Variants in MICAL3 observed in about 807,000 individuals in gnomAD.
MICAL3 encodes microtubule associated monooxygenase, calponin and LIM domain containing 3, also known as [F-actin]-monooxygenase MICAL3.
MICAL3 carries 62 observed loss-of-function variants against 207.4 expected under a neutral mutation model. The ratio of observed to expected loss-of-function variants is 0.30; its 90% CI spans 0.24 to 0.37. The LOEUF is 0.37. Among genes scored for constraint, MICAL3 ranks in the 10% least tolerant of loss-of-function variants. The pLI is 1.00. For synonymous variants in MICAL3, 1,077 were observed against 1,069.3 expected (o/e 1.01, Z -0.14); for missense variants, 2,368 against 2,635.6 (o/e 0.90, Z 2.22).
At chr22:17,878,866 C>A (rs1437657905) in intron 16 of MICAL3, among the ~76,000 whole-genome samples, 1 of 152,162 alleles carries the variant, frequency 6.6e-6, no homozygotes, top group Non-Finnish European at 1.5e-5. Context: ...TCATTCTCAT[C>A]CCACTGGAAA....
At chr22:17,861,717 T>C (rs999723979) in intron 19 of MICAL3, 60 of 985,388 alleles carry the variant, frequency 6.1e-5, no homozygotes, top group Middle Eastern at 1.0e-3. Flanking sequence ...CAGTAGTAAG[T>C]ATAAGCTTGG....
chr22:17,889,259 A>C, intron 12 of MICAL3, 29 bp from the exon 13 acceptor site: 26 of 1,538,230 alleles, frequency 1.7e-5, no homozygotes, highest in Non-Finnish European at 2.2e-5. Context: ...AAAACATATC[A>C]AGATAGGTTG....
chr22:17,807,942 G>A (rs1431883627), intron 29 of MICAL3, among the ~76,000 whole-genome samples: 1 of 152,274 alleles, frequency 6.6e-6, no homozygotes, highest in African/African-American at 2.4e-5. Context: ...TGAACCTGCA[G>A]GCTATAAAGA....
intron 29 of MICAL3, among the ~76,000 whole-genome samples, chr22:17,792,388 C>T (rs1454484475): frequency 6.6e-6 from 1 of 152,234 alleles, no homozygotes; most frequent in African/African-American, 2.4e-5. Flanking sequence ...TGGGGTCCAT[C>T]CATGGGCCTC....
chr22:17,816,421 G>T (rs1323056984), intron 27 of MICAL3, among the ~76,000 whole-genome samples: 1 of 152,230 alleles, frequency 6.6e-6, no homozygotes, highest in Non-Finnish European at 1.5e-5. Context: ...CCAGAGAAGG[G>T]GAGTGTGACA....
intron 1 of MICAL3, among the ~76,000 whole-genome samples, chr22:17,963,005 G>GC (rs899020145): frequency 2.6e-5 from 4 of 152,090 alleles, no homozygotes; most frequent in Non-Finnish European, 5.9e-5. Flanking sequence ...TCCTGCCTCA[G>GC]CCTCCCAAAG....
rs367888715 is a variant in MICAL3, at chr22:17,875,532, C to T, written c.2242-3509G>A. ...AAGCTCCCACTGGTCGACAAAAAAT[C>T]GACGAGGAGGTTCAGGCTCTGGCTA... On this transcript the variant is annotated intron_variant, in intron 16 of 31. Coordinates refer to ENST00000441493, the MANE Select transcript of MICAL3 (RefSeq NM_015241.3). The T allele has an allele frequency of 7.5e-5, 117 of 1,552,612 alleles. No individual in the cohort carries two copies. In the East Asian group the frequency reaches 1.5e-3, roughly 20 times the overall value.
At chr22:17,918,850 C>T (rs1023577477) in intron 1 of MICAL3, among the ~76,000 whole-genome samples, 2 of 152,084 alleles carry the variant, frequency 1.3e-5, no homozygotes, top group Admixed American at 6.5e-5. Context: ...TATTATGGGC[C>T]GAGGACTCTT....
At position 17,818,462 on chromosome 22, in the gene MICAL3, G is replaced by C. The variant is rs920900744; in HGVS notation, c.4199C>G (p.Ser1400Cys). ...GGACGGGGACCGGGGGGTTGGCAGG[G>C]ACAACGGCTCGCCTTCCGGCTTTGG... The part of the protein sequence containing the change: ...GLPKPEGEPL[S>C]LPTPRSPSDR... Residue 1400 changes from serine (S) to cysteine (C), a missense_variant, in exon 26 of 32, where the codon TCC becomes TGC. Ser to Cys is a moderately radical substitution (Grantham distance 112). Transcript: ENST00000441493. 1.7e-5 allele frequency: 28 copies of C among 1,612,942 alleles called. No homozygotes were observed. The highest frequency in any genetic ancestry group is 4.0e-5 in the African/African-American group (3 of 74,948).
At chr22:17,791,409 A>C in intron 29 of MICAL3, 108 bp from the exon 30 acceptor site, 3 of 962,846 alleles carry the variant, frequency 3.1e-6, no homozygotes, top group Non-Finnish European at 4.8e-6. Context: ...ATGCTGCCGG[A>C]ACTTCCACTC....
intron 25 of MICAL3, among the ~76,000 whole-genome samples, chr22:17,819,757 G>A (rs546548088): frequency 4.6e-5 from 7 of 151,752 alleles, no homozygotes; most frequent in Non-Finnish European, 1.0e-4. Context: ...GGCTAACATG[G>A]TGAAATCCCG....
At position 17,902,400 on chromosome 22, in the gene MICAL3, G is replaced by C. The variant is rs2075448; in HGVS notation, c.589+231C>G. On this transcript the variant is annotated intron_variant, in intron 4 of 31. Transcript: ENST00000441493. This position sits in a 1 kb window ranked among gnomAD's most constrained non-coding sequence, Gnocchi z 4.5. ...ACTCTCATCTAACAAAGAAAAAGCAGTGGGGACAAACCACAGAAGGAAAGA... is the reference window on the plus strand; with the variant it reads ...ACTCTCATCTAACAAAGAAAAAGCACTGGGGACAAACCACAGAAGGAAAGA... Among the ~76,000 whole-genome samples, 22,892 of 152,168 alleles carry C rather than the reference G, an allele frequency of 0.15. 2,132 individuals are homozygous for C. Among genetic ancestry groups the C allele is most frequent in the East Asian group, 0.29 (1,512 of 5,164 alleles).
intron 1 of MICAL3, among the ~76,000 whole-genome samples, chr22:18,022,486 T>C (rs1311598070): frequency 6.6e-6 from 1 of 151,900 alleles, no homozygotes; most frequent in Admixed American, 6.6e-5. Context: ...TGGAGTGCAG[T>C]GGTGTGATCT....
rs573927477 is a variant in MICAL3, at chr22:17,900,589, G to A, written c.847+253C>T. On this transcript the variant is annotated intron_variant, in intron 6 of 31. Transcript: ENST00000441493. The surrounding 1 kb of genome is among the most constrained non-coding windows in gnomAD (Gnocchi z 4.0). Reference sequence around the variant, plus strand: ...TGAACTCCAGCCTGGGCAACAGAGCGAGACCTTGTCTCAAACAAAAAACAA... The same window carrying A: ...TGAACTCCAGCCTGGGCAACAGAGCAAGACCTTGTCTCAAACAAAAAACAA... 4.6e-5 allele frequency among the ~76,000 whole-genome samples: 7 copies of A among 152,272 alleles called. No homozygotes were observed. Among genetic ancestry groups the A allele is most frequent in the Non-Finnish European group, 7.4e-5 (5 of 68,022 alleles).
rs75057934 is a variant in MICAL3, at chr22:17,790,794, C to G, written c.5947G>C (p.Glu1983Gln). 6.7e-4 allele frequency: 1,084 copies of G among 1,613,186 alleles called. 10 individuals are homozygous for G. In the African/African-American group the frequency reaches 0.013, roughly 20 times the overall value. ...GCAGCCTCCAGGTCCTTGTCCTCCT[C>G]TCTCTCCCGGAGCCGCTGCTCCTCC... ...LLEEQRLREREEDKDLEAAML... is the reference protein window; with the variant it reads ...LLEEQRLRERQEDKDLEAAML... Residue 1983 changes from glutamate (E) to glutamine (Q), a missense_variant, in exon 32 of 32, where the codon GAG (glutamate) becomes CAG (glutamine). Glu to Gln is a conservative substitution (Grantham distance 29). Coordinates refer to ENST00000441493, the MANE Select transcript of MICAL3 (RefSeq NM_015241.3).
chr22:17,832,638 G>C (rs889886909), intron 20 of MICAL3, among the ~76,000 whole-genome samples: 7 of 152,200 alleles, frequency 4.6e-5, no homozygotes, highest in Admixed American at 1.3e-4. Flanking sequence ...TGGGAATTGA[G>C]AATGGAAAGT....
chr22:17,876,856 TGGAGGTTAGGGAGGTTAGGGAGGTTAG>T (rs1569109285), intron 16 of MICAL3: 1 of 25,558 alleles, frequency 3.9e-5, no homozygotes, highest in Non-Finnish European at 8.3e-5. Context: ...AGGGAGGTTA[TGGAGGTTAGGGAGGTTAGGGAGGTTAG>T]GGAGGTTATG....
intron 1 of MICAL3, among the ~76,000 whole-genome samples, chr22:17,910,854 C>A (rs1315006500): frequency 6.6e-6 from 1 of 152,186 alleles, no homozygotes; most frequent in East Asian, 1.9e-4. Flanking sequence ...AAGGTCAAAG[C>A]CAGATCATGC....
chr22:17,857,152 C>T (rs796927302), intron 19 of MICAL3, among the ~76,000 whole-genome samples: 19 of 152,310 alleles, frequency 1.2e-4, no homozygotes, highest in African/African-American at 4.6e-4. Context: ...GGAGTCCCCA[C>T]CCCCTGCGCT....
Sources: allele counts gnomAD v4.1 joint callset (sites outside exome capture counted in the v4.1 genomes callset), GRCh38; gene constraint gnomAD v4.1.1; non-coding constraint Gnocchi (gnomAD v3.1); transcripts MANE v1.5; gene names NCBI Gene and HGNC (gene_info 2026-07-23, HGNC 2026-07-21).